FHOD1: variants seen among roughly 807,000 people sequenced by gnomAD.
FHOD1 encodes the protein FH1/FH2 domain-containing protein 1.
Under a neutral mutation model 111.6 loss-of-function variants are expected in FHOD1, and 89 were observed. The observed-to-expected ratio is 0.80, with a 90% CI of 0.67 to 0.95. The LOEUF is 0.95. Among genes scored for constraint, FHOD1 ranks in the 40% least tolerant of loss-of-function variants. FHOD1 has a pLI of 0.00. For missense variants in FHOD1, 1,446 were observed against 1,554.2 expected (o/e 0.93, Z 1.17); for synonymous variants, 618 against 639.0 (o/e 0.97, Z 0.50).
In FHOD1 at chr16:67,229,992, T is replaced by C. The variant is rs999475988; in HGVS notation, c.3215-2A>G. The C allele has an allele frequency of 1.2e-6, 2 of 1,613,506 alleles. No homozygotes were observed. The highest frequency in any genetic ancestry group is 1.1e-5 in the South Asian group (1 of 91,084). ...TTGGGGAGCTGCTCTGGACCATGCCTGAGGAAGGCCAGATAGCAAAGTCAG... is the reference window on the plus strand; with the variant it reads ...TTGGGGAGCTGCTCTGGACCATGCCCGAGGAAGGCCAGATAGCAAAGTCAG... On this transcript the variant is annotated splice_acceptor_variant, in intron 20 of 21. Transcript: ENST00000258201. LOFTEE classifies it high-confidence loss of function.
chr16:67,235,627 C>A (rs1238683835), intron 11 of FHOD1, among the ~76,000 whole-genome samples: 11 of 152,134 alleles, frequency 7.2e-5, no homozygotes, highest in Non-Finnish European at 5.9e-5. Context: ...TTTTCTGGCC[C>A]CTCCAGCCTC....
At chr16:67,234,817 T>C (rs1462676992) in intron 11 of FHOD1, 17 of 256,380 alleles carry the variant, frequency 6.6e-5, no homozygotes, top group Non-Finnish European at 7.0e-5. Context: ...TCACCCAGGC[T>C]GGAGTACAGT....
At chr16:67,230,269 A>C (rs762761528) in intron 19 of FHOD1, 41 bp from the exon 20 acceptor site, 10 of 1,613,308 alleles carry the variant, frequency 6.2e-6, no homozygotes, top group Non-Finnish European at 8.5e-6. Context: ...AGCGAAGGAA[A>C]CCAAGGAGGT....
rs1343221621 is a variant in FHOD1, at chr16:67,233,997, A to C, written c.1706T>G (p.Ile569Ser). ...NVESVEAGKD[I>S]PAPSPPLPLL... The stretch of plus-strand genomic sequence containing the variant: ...GGGCAGTGGGGGTGAGGGAGCTGGG[A>C]TGTCTTTCCCAGCCTCCACAGACTC... Residue 569 changes from isoleucine to serine, a missense_variant, in exon 13 of 22, where the codon ATC becomes AGC. Physicochemically the swap from Ile to Ser is moderately radical, Grantham distance 142. Coordinates refer to ENST00000258201, the MANE Select transcript of FHOD1 (RefSeq NM_013241.3). The C allele has an allele frequency of 5.0e-6, 8 of 1,612,086 alleles. No homozygotes were observed. Among genetic ancestry groups the C allele is most frequent in the Non-Finnish European group, 6.8e-6 (8 of 1,179,762 alleles).
chr16:67,237,607 G>A lies in FHOD1; in HGVS notation c.755-38C>T. ...AAGTGGAGCAGTCATGGGGGAACAGGTAGGAGAGAGGGCTCTGAGCGGTGG... is the reference window on the plus strand; with the variant it reads ...AAGTGGAGCAGTCATGGGGGAACAGATAGGAGAGAGGGCTCTGAGCGGTGG... On this transcript the variant is annotated intron_variant, in intron 7 of 21. Transcript: ENST00000258201. This position sits in a 1 kb window ranked among gnomAD's most constrained non-coding sequence, Gnocchi z 5.6. The A allele has an allele frequency of 1.2e-6, 2 of 1,613,138 alleles. No homozygotes were observed. The highest frequency in any genetic ancestry group is 1.7e-6 in the Non-Finnish European group (2 of 1,179,072).
chr16:67,236,281 G>T (rs1597323442), intron 11 of FHOD1: 1 of 959,210 alleles, frequency 1.0e-6, no homozygotes, highest in East Asian at 3.5e-5. Context: ...AGCAGAACAA[G>T]GGAGTGACAG....
rs1240518516 is a variant in FHOD1 at position 67,233,928 on chromosome 16, G to T, written c.1775C>A (p.Pro592Gln). The T allele has an allele frequency of 1.3e-6, 2 of 1,580,966 alleles. No individual in the cohort carries two copies. The highest frequency in any genetic ancestry group is 1.7e-6 in the Non-Finnish European group (2 of 1,162,898). Reference sequence around the variant, plus strand: ...TGGTGGGAAGGGGCCTTTGATGGGTGGGGGAGGTGGAAGTGGGGGAGGGGG... The same window carrying T: ...TGGTGGGAAGGGGCCTTTGATGGGTTGGGGAGGTGGAAGTGGGGGAGGGGG... The part of the protein sequence containing the change: ...VPPPPPLPPP[P>Q]PIKGPFPPPP... Residue 592 changes from proline to glutamine, a missense_variant, in exon 13 of 22, where the codon CCA becomes CAA. Pro to Gln is a moderately conservative substitution (Grantham distance 76). Around this residue, in one of 3 missense-constraint regions of FHOD1, gnomAD observed 1,085 missense variants for 1,108.8 expected, o/e 0.98. Transcript: ENST00000258201.
chr16:67,231,065 C>G lies in FHOD1; in HGVS notation c.2667+123G>C. The G allele has an allele frequency of 1.6e-6, 2 of 1,285,140 alleles. No individual in the cohort carries two copies. Among genetic ancestry groups the G allele is most frequent in the Non-Finnish European group, 2.2e-6 (2 of 925,578 alleles). 79.6% of individuals were successfully genotyped at this position (1,285,140 alleles called of 1,614,324 possible). On this transcript the variant is annotated intron_variant, in intron 17 of 21. Coordinates refer to ENST00000258201, the MANE Select transcript of FHOD1 (RefSeq NM_013241.3). The surrounding 1 kb of genome is among the most constrained non-coding windows in gnomAD (Gnocchi z 4.3). The stretch of plus-strand genomic sequence containing the variant: ...TTTCTGGCAGAGGGCATAGCTCACA[C>G]CCAGGTGGCTGGAGCAAGCCCTGGC...
In FHOD1 at chr16:67,238,577, C is replaced by T; in HGVS notation, c.374-130G>A. ...TTTTGGTCTGAGAGACAGGGTCTCA[C>T]TCTGTCACTCAGGCTGGAGTGTGGA... is the stretch of plus-strand genomic sequence containing the variant. On this transcript the variant is annotated intron_variant, in intron 3 of 21. Coordinates refer to ENST00000258201, the MANE Select transcript of FHOD1 (RefSeq NM_013241.3). This position sits in a 1 kb window ranked among gnomAD's most constrained non-coding sequence, Gnocchi z 4.2. 1.1e-6 allele frequency: 1 copy of T among 907,494 alleles called. No individual in the cohort carries two copies. The highest frequency in any genetic ancestry group is 1.8e-6 in the Non-Finnish European group (1 of 570,732). The allele number at this position is 907,494 out of a possible 1,614,324, so 56.2% of individuals were successfully genotyped here.
At position 67,233,948 on chromosome 16, in the gene FHOD1, AG is replaced by A. The variant is rs370696219; in HGVS notation, c.1754del (p.Pro585LeufsTer43). ...PLPLLSGVPPPPPLPPPPPIK... is the reference protein window; with the variant it reads ...PLPLLSGVPPXPPLPPPPPIK... ...TGGGTGGGGGAGGTGGAAGTGGGGG[AG>A]GGGGGGGTACTCCCGAGAGCAGGGG... On this transcript the variant is annotated frameshift_variant, in exon 13 of 22. Coordinates refer to ENST00000258201, the MANE Select transcript of FHOD1 (RefSeq NM_013241.3). LOFTEE classifies it high-confidence loss of function. 3.3e-3 allele frequency: 820 copies of A among 250,926 alleles called. 1 individual carries two copies. The highest frequency in any genetic ancestry group is 3.9e-3 in the Non-Finnish European group (657 of 167,304). The allele number at this position is 250,926 out of a possible 1,614,324, so 15.5% of individuals were successfully genotyped here.
At position 67,237,456 on chromosome 16, in the gene FHOD1, A is replaced by G. The variant is rs763615344; in HGVS notation, c.849+19T>C. ...GGAGCCTGAGCATCCCAGAGCTGGC[A>G]CCCAGTCCTTGGCCACACCTTGTTG... On this transcript the variant is annotated intron_variant, in intron 8 of 21. Coordinates refer to ENST00000258201, the MANE Select transcript of FHOD1 (RefSeq NM_013241.3). The surrounding 1 kb of genome is among the most constrained non-coding windows in gnomAD (Gnocchi z 5.6). The G allele has an allele frequency of 6.2e-7, 1 of 1,614,146 alleles. No homozygotes were observed. Among genetic ancestry groups the G allele is most frequent in the Non-Finnish European group, 8.5e-7 (1 of 1,180,012 alleles).
intron 11 of FHOD1, chr16:67,235,873 T>C (rs2034456706): frequency 5.2e-6 from 1 of 190,594 alleles, no homozygotes; most frequent in African/African-American, 2.4e-5. Context: ...GCCTTTGGGT[T>C]ACCGAGGAGG....
In FHOD1 at chr16:67,231,793, C is replaced by T; in HGVS notation, c.2229G>A (p.Glu743=). The change falls in exon 15 of 22, where the codon GAG becomes GAA. Residue 743 remains glutamate, a synonymous_variant. Transcript: ENST00000258201. This position sits in a 1 kb window ranked among gnomAD's most constrained non-coding sequence, Gnocchi z 4.3. The part of the protein sequence containing the change: ...IEKLLTMMPT[E]EERQKIEEAQ... Reference sequence around the variant, plus strand: ...CTTCCTCAATCTTCTGCCGCTCTTCCTCCGTGGGCATCATGGTCAGTAGCT... The same window carrying T: ...CTTCCTCAATCTTCTGCCGCTCTTCTTCCGTGGGCATCATGGTCAGTAGCT... The T allele has an allele frequency of 6.2e-7, 1 of 1,614,200 alleles. No individual in the cohort carries two copies.
At chr16:67,242,272 G>T (rs1292127528) in intron 1 of FHOD1, among the ~76,000 whole-genome samples, 1 of 152,104 alleles carries the variant, frequency 6.6e-6, no homozygotes, top group Non-Finnish European at 1.5e-5. Flanking sequence ...CCCGGCCAAT[G>T]GTCCACATTC....
At position 67,237,050 on chromosome 16, in the gene FHOD1, C is replaced by G. The variant is rs772357080; in HGVS notation, c.1058G>C (p.Arg353Pro). ...GCCCTCCTCAGAAGAAGGCTTTCGT[C>G]GTTCCCGCCGCCCACCAGCGCCTGG... ...EAPGAGGRRE[R>P]RKPSSEEGKR... Residue 353 changes from arginine to proline, a missense_variant, in exon 10 of 22, where the codon CGA becomes CCA. Arg to Pro is a moderately radical substitution (Grantham distance 103, BLOSUM62 -2). Transcript: ENST00000258201. The surrounding 1 kb of genome is among the most constrained non-coding windows in gnomAD (Gnocchi z 5.6). The G allele has an allele frequency of 1.1e-5, 17 of 1,613,180 alleles. No homozygotes were observed. The highest frequency in any genetic ancestry group is 1.4e-5 in the Non-Finnish European group (17 of 1,179,822).
rs149529136 is a variant in FHOD1 at position 67,239,441 on chromosome 16, G to A, written c.215C>T (p.Ala72Val). The A allele has an allele frequency of 1.4e-4, 223 of 1,613,762 alleles. No individual in the cohort carries two copies. The highest frequency in any genetic ancestry group is 1.7e-4 in the Non-Finnish European group (202 of 1,179,828). ...LGAPLKLEDC[A>V]LQVSPSGYYL... ...GTATCCGGAGGGAGACACTTGCAGA[G>A]CACAATCCTCCAACTGGGGGCAAAG... is the stretch of plus-strand genomic sequence containing the variant. The change falls in exon 2 of 22, where the codon GCT (alanine) becomes GTT (valine). Residue 72 changes from alanine to valine, a missense_variant. Around this residue, in one of 3 missense-constraint regions of FHOD1, gnomAD observed 127 missense variants for 118.0 expected, o/e 1.08. Transcript: ENST00000258201.
In FHOD1 at chr16:67,244,208, C is replaced by T. The variant is rs527411850; in HGVS notation, c.201+3002G>A. On this transcript the variant is annotated intron_variant, in intron 1 of 21. Coordinates refer to ENST00000258201, the MANE Select transcript of FHOD1 (RefSeq NM_013241.3). ...CAGAGAAGCACCCCAGATCCCCCTA[C>T]CCGGAGCTCAGGGAGAAGTCAGTGC... is the stretch of plus-strand genomic sequence containing the variant. Among the ~76,000 whole-genome samples the T allele has an allele frequency of 5.3e-5, 8 of 152,244 alleles. No individual in the cohort carries two copies. The South Asian group carries it at 1.7e-3, about 32-fold the overall frequency.
In FHOD1 at chr16:67,233,663, G is replaced by C. The variant is rs1257398678; in HGVS notation, c.2040C>G (p.Pro680=). 1.3e-6 allele frequency: 2 copies of C among 1,594,552 alleles called. No homozygotes were observed. Among genetic ancestry groups the C allele is most frequent in the Non-Finnish European group, 8.6e-7 (1 of 1,165,596 alleles). ...TGCAGATGAGTGGATTTACCTTGGA[G>C]GGCAGCACCTCTTTGGCACGAGACT... ...LFESRAKEVL[P]SKKAGEGRRT... Residue 680 remains proline, a synonymous_variant, in exon 13 of 22, where the codon CCC becomes CCG. Transcript: ENST00000258201.
In FHOD1 at chr16:67,236,337, C is replaced by G. The variant is rs115126006; in HGVS notation, c.1319+220G>C. The G allele has an allele frequency of 4.2e-4, 587 of 1,390,664 alleles. 3 individuals are homozygous for G. In the African/African-American group the frequency reaches 7.3e-3, roughly 17 times the overall value. The allele number at this position is 1,390,664 out of a possible 1,614,324, so 86.1% of individuals were successfully genotyped here. ...CAAGAGGCAAAGACAGGCAGAACGT[C>G]GGAGGAGACAAAGGAAACCACAGGA... On this transcript the variant is annotated intron_variant, in intron 11 of 21. Transcript: ENST00000258201.
Sources: allele counts gnomAD v4.1 joint callset (sites outside exome capture counted in the v4.1 genomes callset), GRCh38; gene constraint gnomAD v4.1.1; regional missense constraint gnomAD v4.1.1; non-coding constraint Gnocchi (gnomAD v3.1); transcripts MANE v1.5; gene names NCBI Gene and HGNC (gene_info 2026-07-23, HGNC 2026-07-21).